Variants in SLC9A9 observed in about 807,000 individuals in gnomAD.
SLC9A9 encodes solute carrier family 9 member A9, also known as sodium/hydrogen exchanger 9.
Under a neutral mutation model 77.8 loss-of-function variants are expected in SLC9A9, and 62 were observed. That is an observed-to-expected ratio of 0.80 (90% confidence interval 0.65 to 0.98). The LOEUF is 0.98. Among genes scored for constraint, SLC9A9 ranks in the 50% least tolerant of loss-of-function variants. The pLI is 0.00. For missense variants in SLC9A9, 775 were observed against 774.9 expected, an observed-to-expected ratio of 1.00 and a Z score of 0.00; for synonymous variants, 320 against 283.5, an observed-to-expected ratio of 1.13 and a Z score of -1.29.
At chr3:143,720,736 T>G (rs547380773) in intron 4 of SLC9A9, among the ~76,000 whole-genome samples, 24 of 152,072 alleles carry the variant, frequency 1.6e-4, no homozygotes, top group South Asian at 6.2e-4. Context: ...CCTTAAGGAG[T>G]GCCTGTAGTC....
intron 14 of SLC9A9, among the ~76,000 whole-genome samples, chr3:143,301,957 T>A (rs2030541766): frequency 6.6e-6 from 1 of 151,938 alleles, no homozygotes; most frequent in South Asian, 2.1e-4. Flanking sequence ...AACTGCAGAG[T>A]GGAAATAAAA....
At chr3:143,350,307 T>G (rs924160614) in intron 14 of SLC9A9, among the ~76,000 whole-genome samples, 1 of 152,230 alleles carries the variant, frequency 6.6e-6, no homozygotes, top group African/African-American at 2.4e-5. Context: ...CTACCATAAT[T>G]GAGGCCCCCG....
intron 2 of SLC9A9, among the ~76,000 whole-genome samples, chr3:143,830,125 C>T (rs1053918344): frequency 1.3e-5 from 2 of 152,136 alleles, no homozygotes; most frequent in African/African-American, 2.4e-5. Context: ...ACATAAGCAA[C>T]AAATATGTAT....
chr3:143,676,668 C>T (rs540771728), intron 5 of SLC9A9, among the ~76,000 whole-genome samples: 160 of 152,134 alleles, frequency 1.1e-3, no homozygotes, highest in African/African-American at 3.7e-3. Context: ...ACCCAGGAGG[C>T]GGAAGTTGCA....
intron 9 of SLC9A9, among the ~76,000 whole-genome samples, chr3:143,532,609 AG>A (rs2036528933): frequency 6.6e-6 from 1 of 152,206 alleles, no homozygotes. Context: ...GAATATAAAA[AG>A]GAAAAAAACC....
chr3:143,388,662 T>C (rs111629360), intron 12 of SLC9A9, among the ~76,000 whole-genome samples: 2,847 of 152,300 alleles, frequency 0.019, 43 homozygotes, highest in Middle Eastern at 0.031. Context: ...GCACCCTACA[T>C]TGAGTCATAG....
At chr3:143,413,994 G>C (rs2034145491) in intron 12 of SLC9A9, among the ~76,000 whole-genome samples, 1 of 152,248 alleles carries the variant, frequency 6.6e-6, no homozygotes, top group Non-Finnish European at 1.5e-5. Context: ...CCAGTGCCTG[G>C]CCCAGGGCTA....
At chr3:143,471,988 AG>A (rs1156863761) in intron 11 of SLC9A9, among the ~76,000 whole-genome samples, 1 of 152,244 alleles carries the variant, frequency 6.6e-6, no homozygotes, top group Non-Finnish European at 1.5e-5. Flanking sequence ...AAAGGGCAAA[AG>A]TGAAGCCTTT....
Position 143,266,905 on chromosome 3 carries a change from C to A in SLC9A9, c.1735G>T (p.Glu579Ter). Residue 579 changes from glutamate to a stop codon, truncating the protein, a stop_gained, in exon 16 of 16, where the codon GAA (glutamate) becomes TAA (stop). Transcript: ENST00000316549. LOFTEE classifies it high-confidence loss of function. ...AGTTCATCCTGGTTTACAATGCATT[C>A]CACATCATCCTCTTTTAGCTGTTCC... ...YGEQLKEDDVECIVNQDELAI... is the reference protein window; with the variant it reads ...YGEQLKEDDV 1 of 1,614,016 alleles carries A rather than the reference C, an allele frequency of 6.2e-7. No homozygotes were observed. Among genetic ancestry groups the A allele is most frequent in the South Asian group, 1.1e-5 (1 of 91,074 alleles).
chr3:143,710,087 T>A (rs932360097), intron 4 of SLC9A9, among the ~76,000 whole-genome samples: 4 of 152,334 alleles, frequency 2.6e-5, no homozygotes, highest in African/African-American at 4.8e-5. Context: ...AACAAGTTTC[T>A]TTGCTTTGGG....
chr3:143,496,886 A>G (rs906626071), intron 9 of SLC9A9, among the ~76,000 whole-genome samples: 3 of 152,186 alleles, frequency 2.0e-5, no homozygotes, highest in African/African-American at 7.2e-5. Context: ...GAAATCCAAA[A>G]TCAAGGTGCC....
intron 6 of SLC9A9, among the ~76,000 whole-genome samples, chr3:143,648,246 C>T (rs2038735500): frequency 6.6e-6 from 1 of 152,146 alleles, no homozygotes; most frequent in Non-Finnish European, 1.5e-5. Context: ...TAGTGGTCAT[C>T]TAGGTCAGCA....
chr3:143,331,018 A>G (rs1038785762), intron 14 of SLC9A9, among the ~76,000 whole-genome samples: 3 of 152,260 alleles, frequency 2.0e-5, no homozygotes, highest in East Asian at 3.8e-4. Flanking sequence ...ATGCATATAA[A>G]GAAAGTCTTT....
At chr3:143,571,314 G>T (rs1442901460) in intron 8 of SLC9A9, among the ~76,000 whole-genome samples, 1 of 152,128 alleles carries the variant, frequency 6.6e-6, no homozygotes, top group Non-Finnish European at 1.5e-5. Flanking sequence ...TATTCATGCA[G>T]AAATCATTTT....
At chr3:143,568,417 C>G (rs1278118888) in intron 8 of SLC9A9, among the ~76,000 whole-genome samples, 2 of 152,166 alleles carry the variant, frequency 1.3e-5, no homozygotes, top group East Asian at 3.8e-4. Flanking sequence ...GCAGCCAGAA[C>G]CAACACATGT....
At chr3:143,579,380 T>A (rs2037416695) in intron 6 of SLC9A9, among the ~76,000 whole-genome samples, 1 of 152,182 alleles carries the variant, frequency 6.6e-6, no homozygotes, top group Non-Finnish European at 1.5e-5. Context: ...CAGATTTATT[T>A]CCATAGAGAA....
chr3:143,557,207 C>T (rs2037000683), intron 8 of SLC9A9, among the ~76,000 whole-genome samples: 1 of 152,158 alleles, frequency 6.6e-6, no homozygotes, highest in Non-Finnish European at 1.5e-5. Context: ...CTCATTCTCT[C>T]TCTTGCCACC....
intron 6 of SLC9A9, among the ~76,000 whole-genome samples, chr3:143,604,649 C>A (rs1040590628): frequency 6.6e-6 from 1 of 152,142 alleles, no homozygotes; most frequent in African/African-American, 2.4e-5. Flanking sequence ...AAATCAAACA[C>A]AATTAATATG....
At chr3:143,768,503 G>A (rs973793959) in intron 4 of SLC9A9, among the ~76,000 whole-genome samples, 4 of 152,110 alleles carry the variant, frequency 2.6e-5, no homozygotes, top group African/African-American at 9.7e-5. Context: ...CTTCTTACAA[G>A]GCATTGGAAC....
Sources: allele counts gnomAD v4.1 joint callset (sites outside exome capture counted in the v4.1 genomes callset), GRCh38; gene constraint gnomAD v4.1.1; transcripts MANE v1.5; gene names NCBI Gene and HGNC (gene_info 2026-07-23, HGNC 2026-07-21).